The following FRMD6 variants were observed in gnomAD, a reference collection of about 807,000 sequenced individuals.
The protein encoded by FRMD6 is FERM domain-containing protein 6.
FRMD6 carries 37 observed loss-of-function variants against 73.2 expected under a neutral mutation model. The ratio of observed to expected loss-of-function variants is 0.51; its 90% CI spans 0.39 to 0.66. The LOEUF (loss-of-function observed/expected upper bound fraction) is 0.66, where lower values mean the gene tolerates loss of function less well. Among genes scored for constraint, FRMD6 ranks in the 30% least tolerant of loss-of-function variants. FRMD6 has a pLI of 0.00. For synonymous variants in FRMD6, 273 were observed against 282.2 expected (o/e 0.97, Z 0.33); for missense variants, 714 against 780.5 (o/e 0.91, Z 1.02).
chr14:51,679,341 A>C (rs1180794619), intron 1 of FRMD6, among the ~76,000 whole-genome samples: 1 of 150,906 alleles, frequency 6.6e-6, no homozygotes, highest in Non-Finnish European at 1.5e-5. Flanking sequence ...TGCATACTAT[A>C]TATGTATGAT....
chr14:51,594,500 A>T (rs950981097), intron 2 of FRMD6, among the ~76,000 whole-genome samples: 20 of 151,566 alleles, frequency 1.3e-4, no homozygotes, highest in African/African-American at 4.6e-4. Context: ...GGCTAATTTT[A>T]TATTTTTTGG....
intron 1 of FRMD6, among the ~76,000 whole-genome samples, chr14:51,674,179 A>G (rs898856645): frequency 6.6e-6 from 1 of 152,204 alleles, no homozygotes; most frequent in African/African-American, 2.4e-5. Flanking sequence ...TATATCTGAA[A>G]AAAAGAATCC....
At chr14:51,452,819 G>C in the FRMD6 span, among the ~76,000 whole-genome samples, 1 of 152,150 alleles carries the variant, frequency 6.6e-6, no homozygotes, top group African/African-American at 2.4e-5. Context: ...GAAGGCATAC[G>C]AGTAGAGTGT....
chr14:51,466,176 A>G, the FRMD6 span, among the ~76,000 whole-genome samples: 1 of 152,202 alleles, frequency 6.6e-6, no homozygotes, highest in South Asian at 2.1e-4. Flanking sequence ...TATTCTGGAT[A>G]CAAGTCTTTT....
intron 1 of FRMD6, among the ~76,000 whole-genome samples, chr14:51,680,116 G>T (rs931964273): frequency 1.3e-5 from 2 of 152,182 alleles, no homozygotes; most frequent in Admixed American, 1.3e-4. Context: ...AATCTTGTTG[G>T]AAGCCTCTCA....
chr14:51,638,348 C>G (rs544649623), intron 2 of FRMD6, among the ~76,000 whole-genome samples: 1 of 152,150 alleles, frequency 6.6e-6, no homozygotes, highest in East Asian at 1.9e-4. Context: ...AGCATAGTGC[C>G]AATCCCCAAT....
chr14:51,697,880 C>T (rs967873525), intron 2 of FRMD6: 38 of 280,264 alleles, frequency 1.4e-4, no homozygotes, highest in Non-Finnish European at 5.4e-5. Flanking sequence ...TTATCATGCA[C>T]CATGGTTTCA....
rs1897783413 is a variant in FRMD6, at chr14:51,723,848, G to C, written c.1492+1768G>C. On this transcript the variant is annotated intron_variant, in intron 12 of 13. Coordinates refer to ENST00000344768, the MANE Select transcript of FRMD6 (RefSeq NM_001267046.2). The stretch of plus-strand genomic sequence containing the variant: ...ACAATGGTATATAACCATTAAATTC[G>C]AGATTTTCAAACAATATTTAATAAC... 2.0e-5 allele frequency among the ~76,000 whole-genome samples: 3 copies of C among 151,512 alleles called. No individual in the cohort carries two copies. In the South Asian group the frequency reaches 6.3e-4, roughly 32 times the overall value.
intron 1 of FRMD6, among the ~76,000 whole-genome samples, chr14:51,546,971 A>G (rs540241294): frequency 1.3e-5 from 2 of 152,296 alleles, no homozygotes; most frequent in South Asian, 4.1e-4. Context: ...AGCTAATAGG[A>G]GAATATTCCT....
intron 1 of FRMD6, among the ~76,000 whole-genome samples, chr14:51,507,940 C>G (rs1384540934): frequency 6.6e-6 from 1 of 152,176 alleles, no homozygotes; most frequent in African/African-American, 2.4e-5. Flanking sequence ...GGATGCTCTG[C>G]CTTCCAGAAT....
chr14:51,439,224 T>C, the FRMD6 span, among the ~76,000 whole-genome samples: 1 of 152,234 alleles, frequency 6.6e-6, no homozygotes. Flanking sequence ...ATGGATAGTA[T>C]GTAATTTCTG....
At position 51,520,591 on chromosome 14, in the gene FRMD6, A is replaced by G. The variant is rs986452318; in HGVS notation, c.-210+31171A>G. Among the ~76,000 whole-genome samples, 8 of 152,316 alleles carry G rather than the reference A, an allele frequency of 5.3e-5. No individual in the cohort carries two copies. In the South Asian group the frequency reaches 1.5e-3, roughly 28 times the overall value. ...AAGTGTGATATATCCATACCATGAA[A>G]TTAAAAATCAGCAGTTAAAACAAGT... On this transcript the variant is annotated intron_variant, in intron 1 of 14. Transcript: ENST00000356218.
intron 1 of FRMD6, among the ~76,000 whole-genome samples, chr14:51,502,757 G>T (rs1357559644): frequency 6.6e-6 from 1 of 152,134 alleles, no homozygotes; most frequent in Non-Finnish European, 1.5e-5. Flanking sequence ...AGCTTAATGG[G>T]AATAGCAGTG....
rs781220438 is a variant in FRMD6, at chr14:51,701,087, A to G, written c.222A>G (p.Gln74=). The change falls in exon 4 of 14, where the codon CAA becomes CAG. Residue 74 remains glutamine, a synonymous_variant. Transcript: ENST00000344768. ...AACATGTGTATATGGAGTTGTCACA[A>G]AAGCTTTACAAATATTGTCCAAAAG... The part of the protein sequence containing the change: ...NNEHVYMELS[Q]KLYKYCPKEW... 11 of 1,576,492 alleles carry G rather than the reference A, an allele frequency of 7.0e-6. No individual in the cohort carries two copies. In the South Asian group the frequency reaches 9.3e-5, roughly 13 times the overall value.
the FRMD6 span, among the ~76,000 whole-genome samples, chr14:51,470,868 T>C: frequency 7.4e-4 from 113 of 152,342 alleles, 2 homozygotes; most frequent in Middle Eastern, 0.027. Flanking sequence ...AAATACACTC[T>C]GTATATTTCA....
intron 1 of FRMD6, among the ~76,000 whole-genome samples, chr14:51,671,750 A>G (rs902895018): frequency 6.6e-6 from 1 of 152,206 alleles, no homozygotes; most frequent in African/African-American, 2.4e-5. Context: ...TACTCGTTTT[A>G]AGAAGAGACT....
At chr14:51,711,165 G>A (rs759274382) in intron 7 of FRMD6, among the ~76,000 whole-genome samples, 23 of 139,318 alleles carry the variant, frequency 1.7e-4, no homozygotes, top group Non-Finnish European at 3.1e-4. Context: ...ATTATGAGAT[G>A]GAAGGTCAAA....
At chr14:51,484,970 C>T (rs1429428761), upstream of FRMD6, among the ~76,000 whole-genome samples, 1 of 152,178 alleles carries the variant, frequency 6.6e-6, no homozygotes, top group African/African-American at 2.4e-5. Context: ...GCTTCCTGGG[C>T]CTGCACTTGG....
chr14:51,463,069 T>C, the FRMD6 span, among the ~76,000 whole-genome samples: 1 of 152,206 alleles, frequency 6.6e-6, no homozygotes. Flanking sequence ...CTTGACTCTG[T>C]GGTTTGAGGA....
Sources: allele counts gnomAD v4.1 joint callset (sites outside exome capture counted in the v4.1 genomes callset), GRCh38; gene constraint gnomAD v4.1.1; transcripts MANE v1.5; gene names NCBI Gene and HGNC (gene_info 2026-07-23, HGNC 2026-07-21).